PRMT9: variants seen among roughly 807,000 people sequenced by gnomAD.
The protein encoded by PRMT9 is protein arginine N-methyltransferase 9.
In PRMT9, 59 loss-of-function variants were observed where a neutral mutation model predicts 83.2. The ratio of observed to expected loss-of-function variants is 0.71; its 90% CI spans 0.57 to 0.88. The LOEUF (loss-of-function observed/expected upper bound fraction) is 0.88, where lower values mean the gene tolerates loss of function less well. Among genes scored for constraint, PRMT9 ranks in the 40% least tolerant of loss-of-function variants. PRMT9 has a pLI of 0.00. For missense variants in PRMT9, 947 were observed against 1,021.9 expected (o/e 0.93, Z 1.00); for synonymous variants, 333 against 353.2 (o/e 0.94, Z 0.64).
intron 6 of PRMT9, among the ~76,000 whole-genome samples, chr4:147,667,817 T>G (rs1160681340): frequency 6.6e-6 from 1 of 152,140 alleles, no homozygotes; most frequent in Non-Finnish European, 1.5e-5. Flanking sequence ...ATTGAAGTAA[T>G]TAGACCAAAA....
intron 2 of PRMT9, among the ~76,000 whole-genome samples, chr4:147,676,815 G>A (rs888536258): frequency 2.0e-5 from 3 of 152,028 alleles, no homozygotes; most frequent in African/African-American, 2.4e-5. Flanking sequence ...AGACCGAGGC[G>A]GGTGGATCAC....
At chr4:147,654,727 G>T (rs550185342) in intron 8 of PRMT9, among the ~76,000 whole-genome samples, 161 bp from the exon 9 acceptor site, 1 of 152,116 alleles carries the variant, frequency 6.6e-6, no homozygotes, top group Admixed American at 6.6e-5. Flanking sequence ...AACTCTACCA[G>T]ATTTACTTAG....
chr4:147,673,170 G>C (rs756362424), intron 3 of PRMT9, 44 bp from the exon 4 acceptor site: 1 of 1,573,500 alleles, frequency 6.4e-7, no homozygotes, highest in Admixed American at 1.7e-5. Flanking sequence ...ATAATCTACT[G>C]TATTTTCTCA....
chr4:147,666,361 T>C (rs1350460333), intron 6 of PRMT9, among the ~76,000 whole-genome samples: 1 of 152,200 alleles, frequency 6.6e-6, no homozygotes, highest in African/African-American at 2.4e-5. Flanking sequence ...CTCCATCAAA[T>C]AGATTTTTTG....
intron 6 of PRMT9, chr4:147,661,362 A>T (rs1403689854): frequency 4.3e-6 from 1 of 234,308 alleles, no homozygotes; most frequent in African/African-American, 2.3e-5. Context: ...AATATATTTT[A>T]AAATTCCTAC....
At chr4:147,654,872 T>C (rs1245941965) in intron 8 of PRMT9, among the ~76,000 whole-genome samples, 1 of 152,110 alleles carries the variant, frequency 6.6e-6, no homozygotes, top group Non-Finnish European at 1.5e-5. Flanking sequence ...ATCCCCAAAT[T>C]GGGGTGTTGG....
chr4:147,663,271 G>A (rs1023212127), intron 6 of PRMT9, among the ~76,000 whole-genome samples: 1 of 152,070 alleles, frequency 6.6e-6, no homozygotes, highest in African/African-American at 2.4e-5. Context: ...GCCTCCCAAA[G>A]TGCTGAGATT....
chr4:147,638,438 T>C lies in PRMT9; in HGVS notation c.*94A>G. ...GTCAATTTTAAAAAATATTTGACCA[T>C]TACAAGGAATTTTTATATACCCCCA... On this transcript the variant is annotated 3_prime_UTR_variant, in exon 12 of 12. Coordinates refer to ENST00000322396, the MANE Select transcript of PRMT9 (RefSeq NM_138364.4). 1.1e-6 allele frequency: 1 copy of C among 882,136 alleles called. No individual in the cohort carries two copies. Among genetic ancestry groups the C allele is most frequent in the Admixed American group, 1.8e-5 (1 of 55,332 alleles). The allele number at this position is 882,136 out of a possible 1,614,324, so 54.6% of individuals were successfully genotyped here.
intron 7 of PRMT9, among the ~76,000 whole-genome samples, chr4:147,658,951 G>A (rs192888956): frequency 3.5e-4 from 53 of 152,204 alleles, no homozygotes; most frequent in Non-Finnish European, 5.6e-4. Flanking sequence ...AGGCCAAGGC[G>A]GACGGATCAC....
At chr4:147,659,319 T>A (rs2126606313) in intron 7 of PRMT9, among the ~76,000 whole-genome samples, 1 of 151,438 alleles carries the variant, frequency 6.6e-6, no homozygotes, top group Admixed American at 6.6e-5. Context: ...GAGAATCACT[T>A]GAACCCGAAA....
At chr4:147,656,355 T>C (rs1734484570) in intron 8 of PRMT9, among the ~76,000 whole-genome samples, 1 of 151,910 alleles carries the variant, frequency 6.6e-6, no homozygotes, top group South Asian at 2.1e-4. Context: ...TGCAGTGTTA[T>C]AATCTTGGCT....
At chr4:147,670,142 A>G (rs910546426) in intron 5 of PRMT9, among the ~76,000 whole-genome samples, 1 of 149,580 alleles carries the variant, frequency 6.7e-6, no homozygotes, top group African/African-American at 2.5e-5. Context: ...ACATTGAATC[A>G]TGTTGTTAGT....
At chr4:147,650,903 C>T (rs553045077) in intron 9 of PRMT9, among the ~76,000 whole-genome samples, 1 of 152,138 alleles carries the variant, frequency 6.6e-6, no homozygotes, top group Non-Finnish European at 1.5e-5. Flanking sequence ...GAGATCGAGA[C>T]CATCCTGGCT....
At chr4:147,658,890 G>A (rs1376296864) in intron 7 of PRMT9, among the ~76,000 whole-genome samples, 1 of 152,010 alleles carries the variant, frequency 6.6e-6, no homozygotes, top group Admixed American at 6.6e-5. Flanking sequence ...TTGAGGTCAA[G>A]AGTTTGGGGC....
chr4:147,664,270 TG>T (rs1430422916), intron 6 of PRMT9, among the ~76,000 whole-genome samples: 1 of 152,252 alleles, frequency 6.6e-6, no homozygotes, highest in Non-Finnish European at 1.5e-5. Flanking sequence ...ATTGAGCCAC[TG>T]TGCTCCAACC....
intron 4 of PRMT9, among the ~76,000 whole-genome samples, chr4:147,672,248 T>G (rs539466703): frequency 6.6e-6 from 1 of 152,376 alleles, no homozygotes; most frequent in South Asian, 2.1e-4. Flanking sequence ...AAGAAAACTT[T>G]TTAAAGTCAT....
chr4:147,670,616 T>C, intron 5 of PRMT9, 25 bp downstream of exon 5: 1 of 1,350,620 alleles, frequency 7.4e-7, no homozygotes, highest in Non-Finnish European at 1.1e-6. Flanking sequence ...TCTTAATCAG[T>C]TGTAAGTATT....
Position 147,654,011 on chromosome 4 carries a change from G to C in PRMT9, c.1886C>G (p.Pro629Arg). The change falls in exon 9 of 12, where the codon CCT (proline) becomes CGT (arginine). Residue 629 changes from proline to arginine, a missense_variant. By Grantham distance (103) the Pro-to-Arg change is moderately radical. Coordinates refer to ENST00000322396, the MANE Select transcript of PRMT9 (RefSeq NM_138364.4). Reference sequence around the variant, plus strand: ...CAGCCAAAACTCAAGTGTTTCTTTAGGAAAGTGATTGGCTTCAGATATGAG... The same window carrying C: ...CAGCCAAAACTCAAGTGTTTCTTTACGAAAGTGATTGGCTTCAGATATGAG... ...LDLISEANHF[P>R]KETLEFWLRH... 10 of 1,614,188 alleles carry C rather than the reference G, an allele frequency of 6.2e-6. No individual in the cohort carries two copies. The highest frequency in any genetic ancestry group is 8.5e-6 in the Non-Finnish European group (10 of 1,180,040).
At position 147,683,783 on chromosome 4, in the gene PRMT9, A is replaced by G. The variant is rs778028909; in HGVS notation, c.189+16T>C. 3 of 1,577,378 alleles carry G rather than the reference A, an allele frequency of 1.9e-6. No individual in the cohort carries two copies. The South Asian group carries it at 3.3e-5, about 17-fold the overall frequency. On this transcript the variant is annotated intron_variant, in intron 1 of 11. Coordinates refer to ENST00000322396, the MANE Select transcript of PRMT9 (RefSeq NM_138364.4). ...GACGTTGGATCTGCCAGCAAGTGAG[A>G]AAAAAGGACCCTCACCTTCACGTCG...
Sources: gnomAD v4.1 joint callset for allele counts (sites outside exome capture counted in the v4.1 genomes callset) on GRCh38, gnomAD v4.1.1 for gene constraint, MANE v1.5 for transcripts, NCBI Gene and HGNC (gene_info 2026-07-23, HGNC 2026-07-21) for gene names.